The following PRKAR1A variants were observed in gnomAD, a reference collection of about 807,000 sequenced individuals.
PRKAR1A encodes the protein protein kinase cAMP-dependent type I regulatory subunit alpha.
In PRKAR1A, 3 loss-of-function variants were observed where a neutral mutation model predicts 52.0. That is an observed-to-expected ratio of 0.06 (90% CI 0.03 to 0.15). The LOEUF (loss-of-function observed/expected upper bound fraction) is 0.15, where lower values mean the gene tolerates loss of function less well. Ranked by LOEUF, PRKAR1A falls within the 10% of genes least tolerant of loss-of-function variation. The pLI is 1.00. For missense variants in PRKAR1A, 240 were observed against 477.4 expected (o/e 0.50, Z 4.63); for synonymous variants, 188 against 168.4 (o/e 1.12, Z -0.90).
At chr17:68,438,374 A>G in the PRKAR1A span, among the ~76,000 whole-genome samples, 2 of 152,336 alleles carry the variant, frequency 1.3e-5, no homozygotes, top group East Asian at 3.9e-4. Context: ...TGCTATCCAA[A>G]TGAAATTTCA....
chr17:68,492,002 G>A, the PRKAR1A span, among the ~76,000 whole-genome samples: 3 of 152,208 alleles, frequency 2.0e-5, no homozygotes, highest in African/African-American at 7.2e-5. Context: ...AGGGTTGGAG[G>A]TCATCCAAGC....
chr17:68,444,218 ACCTTACGTG>A, the PRKAR1A span, among the ~76,000 whole-genome samples: 1 of 152,150 alleles, frequency 6.6e-6, no homozygotes, highest in Non-Finnish European at 1.5e-5. Flanking sequence ...TTACATGTCT[ACCTTACGTG>A]CCTTGACACA....
chr17:68,522,804 G>C lies in PRKAR1A; in HGVS notation c.226G>C (p.Asp76His). ...QNLQKAGTRT[D>H]SREDEISPPP... ...TCTGCAGAAAGCAGGCACTCGTACAGACTCAAGGGAGGATGAGATTTCTCC... is the reference window on the plus strand; with the variant it reads ...TCTGCAGAAAGCAGGCACTCGTACACACTCAAGGGAGGATGAGATTTCTCC... Residue 76 changes from aspartate (D) to histidine (H), a missense_variant, in exon 3 of 11, where the codon GAC becomes CAC. Physicochemically the swap from Asp to His is moderately conservative, Grantham distance 81 (BLOSUM62 -1). This residue lies in a region of PRKAR1A where 107 missense variants were observed against 114.6 expected (regional missense o/e 0.93). Coordinates refer to ENST00000589228, the MANE Select transcript of PRKAR1A (RefSeq NM_002734.5). 6.2e-7 allele frequency: 1 copy of C among 1,614,082 alleles called. No homozygotes were observed. The highest frequency in any genetic ancestry group is 8.5e-7 in the Non-Finnish European group (1 of 1,179,960).
intron 11 of PRKAR1A, chr17:68,541,156 C>T (rs1159639892): frequency 4.3e-6 from 3 of 695,032 alleles, no homozygotes; most frequent in Non-Finnish European, 4.6e-6. Flanking sequence ...GGTCCTGGGT[C>T]CTTTAAGTCT....
the PRKAR1A span, chr17:68,426,252 G>GGGGGGGGGGGGGGGGGT: frequency 1.2e-6 from 1 of 828,188 alleles, no homozygotes; most frequent in Non-Finnish European, 1.9e-6. Flanking sequence ...TGGGGAGCGG[G>GGGGGGGGGGGGGGGGGT]GGCTCAAATA....
At chr17:68,469,963 G>A in the PRKAR1A span, among the ~76,000 whole-genome samples, 1 of 152,070 alleles carries the variant, frequency 6.6e-6, no homozygotes, top group African/African-American at 2.4e-5. Flanking sequence ...ATAGAAGACA[G>A]CTGAATTCTT....
At chr17:68,538,478 T>G (rs1046323953) in intron 11 of PRKAR1A, among the ~76,000 whole-genome samples, 2 of 152,266 alleles carry the variant, frequency 1.3e-5, no homozygotes, top group Non-Finnish European at 2.9e-5. Flanking sequence ...TATTTATAAT[T>G]AGCTCTGCAT....
chr17:68,544,207 C>A (rs1231343457), intron 11 of PRKAR1A, among the ~76,000 whole-genome samples: 1 of 151,458 alleles, frequency 6.6e-6, no homozygotes, highest in Non-Finnish European at 1.5e-5. Flanking sequence ...CAGAAAAGTT[C>A]TGGGTCTTAG....
At chr17:68,524,121 C>T (rs370504201) in intron 5 of PRKAR1A, 44 bp downstream of exon 5, 75 of 1,597,820 alleles carry the variant, frequency 4.7e-5, no homozygotes, top group Non-Finnish European at 5.9e-5. Flanking sequence ...GGAGAGGAGG[C>T]GAGACTAGAG....
chr17:68,478,791 G>A, the PRKAR1A span, among the ~76,000 whole-genome samples: 1 of 150,362 alleles, frequency 6.7e-6, no homozygotes, highest in East Asian at 2.0e-4. Flanking sequence ...ACAGTGGCAC[G>A]ATCTCGGCTC....
At chr17:68,428,235 T>A in the PRKAR1A span, 2 of 151,606 alleles carry the variant, frequency 1.3e-5, no homozygotes, top group Non-Finnish European at 2.9e-5. Context: ...TAGGTTTTTT[T>A]TTTTTTTTAT....
Position 68,515,419 on chromosome 17 carries a change from C to A in PRKAR1A, c.20C>A (p.Ala7Asp). The change falls in exon 2 of 11, where the codon GCC (alanine) becomes GAC (aspartate). Residue 7 changes from alanine (A) to aspartate (D), a missense_variant. Coordinates refer to ENST00000589228, the MANE Select transcript of PRKAR1A (RefSeq NM_002734.5). MESGST[A>D]ASEEARSLRE... ...AGAACCATGGAGTCTGGCAGTACCG[C>A]CGCCAGTGAGGAGGCACGCAGCCTT... The A allele has an allele frequency of 1.2e-6, 2 of 1,613,348 alleles. No homozygotes were observed. Among genetic ancestry groups the A allele is most frequent in the South Asian group, 2.2e-5 (2 of 91,032 alleles).
chr17:68,451,281 A>T, the PRKAR1A span, among the ~76,000 whole-genome samples: 2 of 152,140 alleles, frequency 1.3e-5, no homozygotes, highest in African/African-American at 2.4e-5. Flanking sequence ...AAATATTTTA[A>T]AAATTAGCCA....
At chr17:68,504,149 T>C in the PRKAR1A span, among the ~76,000 whole-genome samples, 17,741 of 152,180 alleles carry the variant, frequency 0.12, 1,043 homozygotes, top group Middle Eastern at 0.16. Context: ...CAAATGTCTG[T>C]CAATAGATGA....
At chr17:68,474,518 C>G in the PRKAR1A span, among the ~76,000 whole-genome samples, 1 of 152,076 alleles carries the variant, frequency 6.6e-6, no homozygotes, top group Non-Finnish European at 1.5e-5. Flanking sequence ...GGCAGCGCGG[C>G]CTTGGGCTGA....
At chr17:68,492,105 C>G in the PRKAR1A span, among the ~76,000 whole-genome samples, 1 of 152,190 alleles carries the variant, frequency 6.6e-6, no homozygotes, top group Non-Finnish European at 1.5e-5. Context: ...ACATGAATAA[C>G]AGGGAGCGTG....
At chr17:68,453,479 C>CTT in the PRKAR1A span, among the ~76,000 whole-genome samples, 233 of 136,180 alleles carry the variant, frequency 1.7e-3, 1 homozygote, top group African/African-American at 5.6e-3. Flanking sequence ...TTTTCTTTTC[C>CTT]TTTTTTTTTT....
At chr17:68,491,952 A>T in the PRKAR1A span, among the ~76,000 whole-genome samples, 1 of 152,220 alleles carries the variant, frequency 6.6e-6, no homozygotes, top group African/African-American at 2.4e-5. Flanking sequence ...CCAGAGTTCC[A>T]GTTAGTGTCT....
chr17:68,437,497 T>C, the PRKAR1A span, among the ~76,000 whole-genome samples: 12 of 150,580 alleles, frequency 8.0e-5, no homozygotes, highest in Non-Finnish European at 1.3e-4. Flanking sequence ...GAGGCTGCAG[T>C]GAGTGAAGAT....
Sources: gnomAD v4.1 joint callset for allele counts (sites outside exome capture counted in the v4.1 genomes callset) on GRCh38, gnomAD v4.1.1 for gene constraint, gnomAD v4.1.1 regional missense constraint, MANE v1.5 for transcripts, NCBI Gene and HGNC (gene_info 2026-07-23, HGNC 2026-07-21) for gene names.